Variants in RIPOR3 observed in about 807,000 individuals in gnomAD.
RIPOR3 encodes family with sequence similarity 65 member C.
In RIPOR3, 95 loss-of-function variants were observed where a neutral mutation model predicts 114.3. The ratio of observed to expected loss-of-function variants is 0.83; its 90% CI spans 0.70 to 0.99. RIPOR3 has a LOEUF of 0.99. Among genes scored for constraint, RIPOR3 ranks in the 50% least tolerant of loss-of-function variants. RIPOR3 has a pLI of 0.00. For synonymous variants in RIPOR3, 575 were observed against 543.8 expected (o/e 1.06, Z -0.80); for missense variants, 1,252 against 1,266.9 (o/e 0.99, Z 0.18).
intron 4 of RIPOR3, among the ~76,000 whole-genome samples, chr20:50,613,061 T>G (rs1297089000): frequency 6.6e-6 from 1 of 152,192 alleles, no homozygotes; most frequent in Non-Finnish European, 1.5e-5. Flanking sequence ...CCACTGCACT[T>G]CACCCTGGGT....
chr20:50,592,204 G>A, intron 19 of RIPOR3, 140 bp downstream of exon 19: 2 of 805,170 alleles, frequency 2.5e-6, no homozygotes, highest in Non-Finnish European at 3.7e-6. Context: ...TTAGATCGTA[G>A]CCCAGGTCCC....
chr20:50,629,414 G>A (rs2084738574), intron 2 of RIPOR3, among the ~76,000 whole-genome samples: 1 of 152,182 alleles, frequency 6.6e-6, no homozygotes, highest in Non-Finnish European at 1.5e-5. Context: ...TTCCCTGGGG[G>A]CTTGCACAGT....
At chr20:50,673,258 A>G (rs1350776235) in intron 1 of RIPOR3, among the ~76,000 whole-genome samples, 1 of 152,088 alleles carries the variant, frequency 6.6e-6, no homozygotes, top group African/African-American at 2.4e-5. Flanking sequence ...CCCATGCAAT[A>G]CCCACAGACC....
chr20:50,667,337 AG>A (rs2086285849), intron 1 of RIPOR3, among the ~76,000 whole-genome samples: 1 of 118,026 alleles, frequency 8.5e-6, no homozygotes, highest in Non-Finnish European at 1.6e-5. Context: ...TCTGTTACCC[AG>A]GCTGGAGTGC....
chr20:50,669,121 CAT>C (rs1018822152), intron 1 of RIPOR3, among the ~76,000 whole-genome samples: 2 of 152,068 alleles, frequency 1.3e-5, no homozygotes, highest in East Asian at 1.9e-4. Context: ...CATGCTCACA[CAT>C]GTGCACACAT....
At chr20:50,664,831 G>C (rs2086126143) in intron 1 of RIPOR3, among the ~76,000 whole-genome samples, 1 of 152,196 alleles carries the variant, frequency 6.6e-6, no homozygotes, top group African/African-American at 2.4e-5. Flanking sequence ...GCTGGGCACG[G>C]TGGCTCACAC....
chr20:50,604,510 C>A (rs2083624836), intron 12 of RIPOR3, 135 bp downstream of exon 12: 1 of 1,311,472 alleles, frequency 7.6e-7, no homozygotes, highest in Non-Finnish European at 1.0e-6. Flanking sequence ...AGGAAAACAC[C>A]CAGGATCGCC....
chr20:50,691,356 G>C lies in RIPOR3; in HGVS notation c.-228C>G. The C allele has an allele frequency of 2.5e-6, 1 of 397,708 alleles. No individual in the cohort carries two copies. Among genetic ancestry groups the C allele is most frequent in the Non-Finnish European group, 4.6e-6 (1 of 217,698 alleles). 24.6% of individuals were successfully genotyped at this position (397,708 alleles called of 1,614,324 possible). A position where few individuals can be genotyped will look rare whatever the true frequency, so the allele number is the denominator to read the frequency against. ...CGAGTCTTCCTTCTGGTGCAGGGAG[G>C]CCGGTGCCCTGCCGGGCTCTGATAA... is the stretch of plus-strand genomic sequence containing the variant. On this transcript the variant is annotated 5_prime_UTR_variant, in exon 1 of 22. Coordinates refer to ENST00000327979, the MANE Select transcript of RIPOR3 (RefSeq NM_001290268.2).
intron 1 of RIPOR3, among the ~76,000 whole-genome samples, chr20:50,675,062 AG>A (rs985507903): frequency 1.9e-4 from 29 of 152,208 alleles, no homozygotes; most frequent in African/African-American, 7.0e-4. Flanking sequence ...TGAGCAACAG[AG>A]TGAGATCCTG....
At position 50,685,214 on chromosome 20, in the gene RIPOR3, G is replaced by A. The variant is rs2086972419; in HGVS notation, c.3+5912C>T. Reference sequence around the variant, plus strand: ...TGAGCCCTTCTTGAGAGCTGATGATGGGATAGAATTTTTTTTTTTTTTTTT... The same window carrying A: ...TGAGCCCTTCTTGAGAGCTGATGATAGGATAGAATTTTTTTTTTTTTTTTT... On this transcript the variant is annotated intron_variant, in intron 1 of 21. Coordinates refer to ENST00000327979, the MANE Select transcript of RIPOR3 (RefSeq NM_001290268.2). Among the ~76,000 whole-genome samples the A allele has an allele frequency of 3.6e-5, 5 of 140,740 alleles. No individual in the cohort carries two copies. The South Asian group carries it at 9.3e-4, about 26-fold the overall frequency. The allele number at this position is 140,740 out of a possible 152,430, so 92.3% of individuals were successfully genotyped here.
intron 2 of RIPOR3, among the ~76,000 whole-genome samples, chr20:50,621,536 G>T (rs8122104): frequency 0.15 from 23,303 of 152,234 alleles, 2,613 homozygotes; most frequent in African/African-American, 0.32. Context: ...AGAAGTATGG[G>T]GATCAAGCCT....
intron 1 of RIPOR3, among the ~76,000 whole-genome samples, chr20:50,631,610 G>A (rs1308608510): frequency 6.6e-6 from 1 of 152,198 alleles, no homozygotes; most frequent in Non-Finnish European, 1.5e-5. Context: ...TGGGAGCCAT[G>A]GGAGGGCTTT....
intron 5 of RIPOR3, 130 bp downstream of exon 5, chr20:50,611,051 C>A: frequency 1.3e-6 from 2 of 1,546,416 alleles, no homozygotes; most frequent in Non-Finnish European, 1.8e-6. Context: ...AGAGACTCAG[C>A]CTTCCCATTC....
chr20:50,614,969 A>G (rs1022110499), intron 4 of RIPOR3, among the ~76,000 whole-genome samples: 4 of 152,142 alleles, frequency 2.6e-5, no homozygotes, highest in Non-Finnish European at 4.4e-5. Flanking sequence ...AGGCAGGACA[A>G]TCGCTTGAAT....
chr20:50,679,165 CAG>C lies in RIPOR3; in HGVS notation c.3+11959_3+11960del, dbSNP rs60291395. Reference sequence around the variant, plus strand: ...ATATATATATACACACACACACACACAGAGAGAGAGAGATACACATATAATAT... The same window carrying C: ...ATATATATATACACACACACACACACAGAGAGAGAGATACACATATAATAT... On this transcript the variant is annotated intron_variant, in intron 1 of 21. Transcript: ENST00000327979. Among the ~76,000 whole-genome samples, 81 of 109,000 alleles carry C rather than the reference CAG, an allele frequency of 7.4e-4. 2 individuals carry two copies. The East Asian group carries it at 0.01, about 14-fold the overall frequency. The allele number at this position is 109,000 out of a possible 152,430, so 71.5% of individuals were successfully genotyped here.
At position 50,654,741 on chromosome 20, in the gene RIPOR3, G is replaced by GT. The variant is rs1568930364; in HGVS notation, c.4-23886dup. On this transcript the variant is annotated intron_variant, in intron 1 of 21. Transcript: ENST00000327979. ...TGTGTGTGTTTGGTGGGGTTTTTTT[G>GT]TTTTTTTGTCTTTTTGTTTTTTGAG... Among the ~76,000 whole-genome samples the GT allele has an allele frequency of 5.3e-5, 8 of 151,864 alleles. No individual in the cohort carries two copies. In the South Asian group the frequency reaches 1.2e-3, roughly 24 times the overall value.
At chr20:50,651,527 A>G (rs1196152422) in intron 1 of RIPOR3, among the ~76,000 whole-genome samples, 1 of 151,814 alleles carries the variant, frequency 6.6e-6, no homozygotes, top group Non-Finnish European at 1.5e-5. Flanking sequence ...TACTCAATCT[A>G]CCCTCCCACT....
chr20:50,636,595 A>C lies in RIPOR3; in HGVS notation c.4-5739T>G. 3.0e-6 allele frequency: 3 copies of C among 985,664 alleles called. No individual in the cohort carries two copies. The South Asian group carries it at 1.4e-4, about 46-fold the overall frequency. 61.1% of individuals were successfully genotyped at this position (985,664 alleles called of 1,614,324 possible). A position where few individuals can be genotyped will look rare whatever the true frequency, so the allele number is the denominator to read the frequency against. ...AGTTCCCAAACCTTTGGTGGCAGAC[A>C]GGACAGCCTCTTCTACTCCGTGTCC... On this transcript the variant is annotated intron_variant, in intron 1 of 21. Transcript: ENST00000327979.
chr20:50,609,958 C>CCCT (rs2083893305), intron 6 of RIPOR3, among the ~76,000 whole-genome samples: 2 of 144,594 alleles, frequency 1.4e-5, no homozygotes, highest in Non-Finnish European at 1.5e-5. Context: ...CACCTGCCAC[C>CCCT]ACTGCCTCAC....
Sources: allele counts gnomAD v4.1 joint callset (sites outside exome capture counted in the v4.1 genomes callset), GRCh38; gene constraint gnomAD v4.1.1; transcripts MANE v1.5; gene names NCBI Gene and HGNC (gene_info 2026-07-23, HGNC 2026-07-21).